The following CYSLTR2 variants were observed in gnomAD, a reference collection of about 807,000 sequenced individuals.
CYSLTR2 encodes the protein cysteinyl leukotriene receptor 2.
For missense variants in CYSLTR2, 398 were observed against 411.9 expected, an observed-to-expected ratio of 0.97 and a Z score of 0.29; for synonymous variants, 179 against 160.8, an observed-to-expected ratio of 1.11 and a Z score of -0.86.
rs375000740 is a variant in CYSLTR2, at chr13:48,710,020, C to T, written c.*2162C>T. On this transcript the variant is annotated 3_prime_UTR_variant, in exon 5 of 5. Transcript: ENST00000682523. ...ACATAGAAAAATAAGCAAGTAAAAA[C>T]GCAATACAGTTTTTAAGTGCTAGAG... The T allele has an allele frequency of 4.6e-5, 7 of 152,050 alleles. No homozygotes were observed. The highest frequency in any genetic ancestry group is 2.0e-4 in the Admixed American group (3 of 15,270). 9.4% of individuals were successfully genotyped at this position (152,050 alleles called of 1,614,324 possible).
chr13:48,707,835 T>C lies in CYSLTR2; in HGVS notation c.1018T>C (p.Leu340=). ...TKCVFPVSVW[L]RKETRV is the part of the protein sequence containing the mutation. ...GTGTGTTTTCCCTGTTAGTGTGTGG[T>C]TGAGAAAGGAAACAAGAGTATAAGG... Residue 340 remains leucine (L), a synonymous_variant, in exon 5 of 5, where the codon TTG becomes CTG. Transcript: ENST00000682523. 3 of 1,527,714 alleles carry C rather than the reference T, an allele frequency of 2.0e-6. No individual in the cohort carries two copies. Among genetic ancestry groups the C allele is most frequent in the South Asian group, 1.3e-5 (1 of 75,876 alleles). The allele number at this position is 1,527,714 out of a possible 1,614,324, so 94.6% of individuals were successfully genotyped here. A position where few individuals can be genotyped will look rare whatever the true frequency, so the allele number is the denominator to read the frequency against.
intron 1 of CYSLTR2, among the ~76,000 whole-genome samples, chr13:48,672,561 T>G (rs1457267665): frequency 1.3e-5 from 2 of 151,950 alleles, no homozygotes; most frequent in Non-Finnish European, 2.9e-5. Context: ...AGGAGCAGGT[T>G]GTTCAGTTTC....
intron 1 of CYSLTR2, among the ~76,000 whole-genome samples, chr13:48,674,072 G>A (rs1357189608): frequency 2.0e-5 from 3 of 152,026 alleles, no homozygotes; most frequent in Non-Finnish European, 4.4e-5. Context: ...CTTCACTTCA[G>A]CCCTGGTGAA....
At chr13:48,665,405 G>A (rs1953236531) in intron 1 of CYSLTR2, among the ~76,000 whole-genome samples, 1 of 152,062 alleles carries the variant, frequency 6.6e-6, no homozygotes, top group African/African-American at 2.4e-5. Context: ...CCAGTGCCAA[G>A]AATTGGCTGC....
At chr13:48,664,259 A>G (rs530219121) in intron 1 of CYSLTR2, among the ~76,000 whole-genome samples, 1 of 152,076 alleles carries the variant, frequency 6.6e-6, no homozygotes, top group Admixed American at 6.6e-5. Flanking sequence ...TTCTATACGT[A>G]TCAGGGATAT....
intron 1 of CYSLTR2, among the ~76,000 whole-genome samples, chr13:48,666,798 A>T (rs549043130): frequency 9.2e-5 from 14 of 152,170 alleles, no homozygotes; most frequent in Admixed American, 6.5e-4. Context: ...CAAATTATGA[A>T]TCATTTTCCT....
In CYSLTR2 at chr13:48,673,908, C is replaced by T. The variant is rs567718981; in HGVS notation, c.-265-17304C>T. On this transcript the variant is annotated intron_variant, in intron 1 of 4. Coordinates refer to ENST00000682523, the MANE Select transcript of CYSLTR2 (RefSeq NM_001308476.3). ...CTTATTTTAGCAGGACGTGAAATTC[C>T]GGGTTGAAAATTCTTTTCTTTAAGA... Among the ~76,000 whole-genome samples the T allele has an allele frequency of 5.9e-5, 9 of 152,180 alleles. No homozygotes were observed. The South Asian group carries it at 1.2e-3, about 21-fold the overall frequency.
At chr13:48,654,864 T>C (rs1179086250) in intron 1 of CYSLTR2, among the ~76,000 whole-genome samples, 1 of 152,226 alleles carries the variant, frequency 6.6e-6, no homozygotes, top group Non-Finnish European at 1.5e-5. Flanking sequence ...GTGGTTCTAA[T>C]GGGTGGTCAG....
At chr13:48,663,728 G>A (rs1953187908) in intron 1 of CYSLTR2, among the ~76,000 whole-genome samples, 1 of 151,962 alleles carries the variant, frequency 6.6e-6, no homozygotes, top group African/African-American at 2.4e-5. Flanking sequence ...TTAGTTCTAA[G>A]AGTTTTTGGT....
chr13:48,710,586 C>G lies in CYSLTR2; in HGVS notation c.*2728C>G, dbSNP rs562632171. ...AATAAGGAAAGAAAAAAAACACATG[C>G]TGAAGTTGCTAAGATCTACAGTAAG... On this transcript the variant is annotated 3_prime_UTR_variant, in exon 5 of 5. Transcript: ENST00000682523. The G allele has an allele frequency of 6.6e-6, 1 of 152,258 alleles. No homozygotes were observed. Among genetic ancestry groups the G allele is most frequent in the East Asian group, 1.9e-4 (1 of 5,188 alleles). 9.4% of individuals were successfully genotyped at this position (152,258 alleles called of 1,614,324 possible). A position where few individuals can be genotyped will look rare whatever the true frequency, so the allele number is the denominator to read the frequency against.
intron 1 of CYSLTR2, among the ~76,000 whole-genome samples, chr13:48,678,144 G>T (rs1345160248): frequency 6.6e-6 from 1 of 152,072 alleles, no homozygotes; most frequent in Non-Finnish European, 1.5e-5. Context: ...AGGACAGTTT[G>T]GTGGAGGCAA....
intron 4 of CYSLTR2, among the ~76,000 whole-genome samples, chr13:48,704,117 CT>C (rs1272914001): frequency 3.3e-5 from 5 of 152,136 alleles, no homozygotes; most frequent in Admixed American, 1.3e-4. Flanking sequence ...GTCTGTTCTA[CT>C]TTTTTTTCGT....
At chr13:48,665,077 T>C (rs1468001424) in intron 1 of CYSLTR2, among the ~76,000 whole-genome samples, 1 of 152,156 alleles carries the variant, frequency 6.6e-6, no homozygotes, top group Non-Finnish European at 1.5e-5. Context: ...CCATTGGTTA[T>C]TCAGAAGCAT....
In CYSLTR2 at chr13:48,708,070, C is replaced by A; in HGVS notation, c.*212C>A. 4.6e-6 allele frequency: 2 copies of A among 432,510 alleles called. No individual in the cohort carries two copies. Among genetic ancestry groups the A allele is most frequent in the Non-Finnish European group, 8.4e-6 (2 of 238,726 alleles). The allele number at this position is 432,510 out of a possible 1,614,324, so 26.8% of individuals were successfully genotyped here. ...TAATGAGGGATACAGGAGGAAAAAT[C>A]CCTACTAGAGTCCTGTGGGCTGAAA... On this transcript the variant is annotated 3_prime_UTR_variant, in exon 5 of 5. Transcript: ENST00000682523.
At chr13:48,669,973 A>G (rs929790461) in intron 1 of CYSLTR2, among the ~76,000 whole-genome samples, 1 of 152,226 alleles carries the variant, frequency 6.6e-6, no homozygotes, top group Non-Finnish European at 1.5e-5. Flanking sequence ...CGCCATTCTA[A>G]CTGGCGTGAG....
chr13:48,666,234 T>G (rs1300257750), intron 1 of CYSLTR2, among the ~76,000 whole-genome samples: 1 of 152,184 alleles, frequency 6.6e-6, no homozygotes, highest in Non-Finnish European at 1.5e-5. Flanking sequence ...CAATTCTCTC[T>G]TGACCTCTAA....
chr13:48,693,097 GTT>G, intron 2 of CYSLTR2, among the ~76,000 whole-genome samples: 1 of 151,308 alleles, frequency 6.6e-6, no homozygotes. Context: ...ATTCACTTTA[GTT>G]TAATACAATT....
In CYSLTR2 at chr13:48,707,024, G is replaced by T; in HGVS notation, c.207G>T (p.Lys69Asn). Residue 69 changes from lysine (K) to asparagine (N), a missense_variant, in exon 5 of 5, where the codon AAG becomes AAT. By Grantham distance (94) the Lys-to-Asn change is moderately conservative. Coordinates refer to ENST00000682523, the MANE Select transcript of CYSLTR2 (RefSeq NM_001308476.3). ...SIYVFLQPYK[K>N]STSVNVFMLN... ...ATGTTTTCCTGCAGCCTTATAAGAA[G>T]TCCACATCTGTGAACGTTTTCATGC... 1.2e-6 allele frequency: 2 copies of T among 1,614,160 alleles called. No individual in the cohort carries two copies. Among genetic ancestry groups the T allele is most frequent in the Non-Finnish European group, 1.7e-6 (2 of 1,180,024 alleles).
chr13:48,685,927 A>G (rs1047155778), intron 1 of CYSLTR2, among the ~76,000 whole-genome samples: 1 of 152,160 alleles, frequency 6.6e-6, no homozygotes, highest in African/African-American at 2.4e-5. Context: ...GTAGGACCTC[A>G]TAGAAACTTC....
Sources: gnomAD v4.1 joint callset for allele counts (sites outside exome capture counted in the v4.1 genomes callset) on GRCh38, gnomAD v4.1.1 for gene constraint, MANE v1.5 for transcripts, NCBI Gene and HGNC (gene_info 2026-07-23, HGNC 2026-07-21) for gene names.